Variants in RMC1 observed in about 807,000 individuals in gnomAD.
RMC1 encodes regulator of MON1-CCZ1 complex.
A neutral mutation model predicts 95.5 loss-of-function variants in RMC1; 44 were observed. The ratio of observed to expected loss-of-function variants is 0.46; its 90% CI spans 0.36 to 0.59. The LOEUF is 0.59. RMC1 is among the 20% of genes least tolerant of loss of function. The probability of loss-of-function intolerance (pLI) is 0.00; values close to 1 mark genes in which losing one functional copy is unlikely to be tolerated. For synonymous variants in RMC1, 320 were observed against 303.6 expected (o/e 1.05, Z -0.56); for missense variants, 705 against 819.6 (o/e 0.86, Z 1.71).
chr18:23,519,815 GACA>G (rs779924806), intron 9 of RMC1, among the ~76,000 whole-genome samples: 2 of 152,134 alleles, frequency 1.3e-5, no homozygotes, highest in African/African-American at 2.4e-5. Flanking sequence ...TGTGGACCAG[GACA>G]ACTAGAATGG....
At chr18:23,525,061 C>T (rs1426840567) in intron 12 of RMC1, among the ~76,000 whole-genome samples, 1 of 150,890 alleles carries the variant, frequency 6.6e-6, no homozygotes, top group Non-Finnish European at 1.5e-5. Context: ...ATTCTCCTGC[C>T]TCAGCCTCCT....
Position 23,507,045 on chromosome 18 carries a change from A to G in RMC1, c.255A>G (p.Ser85=). Reference sequence around the variant, plus strand: ...AGATATTGGCTGTTCAGAGGACCTCAAAGACTGTGGTAAGACTTATCTTTA... The same window carrying G: ...AGATATTGGCTGTTCAGAGGACCTCGAAGACTGTGGTAAGACTTATCTTTA... The part of the protein sequence containing the change: ...ENKILAVQRT[S]KTVDFCNFIP... Residue 85 remains serine, a synonymous_variant, in exon 3 of 20, where the codon TCA becomes TCG. Transcript: ENST00000269221. 8 of 1,602,434 alleles carry G rather than the reference A, an allele frequency of 5.0e-6. No homozygotes were observed. The highest frequency in any genetic ancestry group is 6.8e-6 in the Non-Finnish European group (8 of 1,172,266).
At chr18:23,524,939 A>ATAT (rs1184600894) in intron 12 of RMC1, among the ~76,000 whole-genome samples, 1 of 108,682 alleles carries the variant, frequency 9.2e-6, no homozygotes, top group Non-Finnish European at 1.8e-5. Context: ...TATTAGAGAA[A>ATAT]TCTTTTTTTT....
At position 23,516,417 on chromosome 18, in the gene RMC1, C is replaced by T. The variant is rs201621222; in HGVS notation, c.647C>T (p.Ala216Val). Residue 216 changes from alanine to valine, a missense_variant, in exon 7 of 20, where the codon GCT becomes GTT. Ala to Val is a moderately conservative substitution (Grantham distance 64). Coordinates refer to ENST00000269221, the MANE Select transcript of RMC1 (RefSeq NM_013326.5). ...CTTTCCGAAAGAGACATCGCAATGGCTACCATGTATGTCCGTGTCAGAGAG... is the reference window on the plus strand; with the variant it reads ...CTTTCCGAAAGAGACATCGCAATGGTTACCATGTATGTCCGTGTCAGAGAG... ...PSLSERDIAM[A>V]TIYGQLYVLF... The T allele has an allele frequency of 7.4e-6, 12 of 1,613,818 alleles. No individual in the cohort carries two copies. The East Asian group carries it at 2.5e-4, about 33-fold the overall frequency.
At chr18:23,505,641 C>CAGAGTTAGGGATGCTATGGAGA (rs1307673357) in intron 2 of RMC1, among the ~76,000 whole-genome samples, 2 of 152,164 alleles carry the variant, frequency 1.3e-5, no homozygotes, top group Non-Finnish European at 2.9e-5. Flanking sequence ...GGGAGCCTGT[C>CAGAGTTAGGGATGCTATGGAGA]AGAGTTAGGG....
At position 23,527,882 on chromosome 18, in the gene RMC1, C is replaced by G; in HGVS notation, c.1277C>G (p.Ala426Gly). Residue 426 changes from alanine (A) to glycine (G), a missense_variant, in exon 14 of 20, where the codon GCC (alanine) becomes GGC (glycine). Coordinates refer to ENST00000269221, the MANE Select transcript of RMC1 (RefSeq NM_013326.5). ...CATGAGTATAAAAAGTACCTGGATG[C>G]CGAGCAGAGTTATGCGATGGTGAGT... is the stretch of plus-strand genomic sequence containing the variant. ...LNHEYKKYLD[A>G]EQSYAMAVEA... 6.2e-7 allele frequency: 1 copy of G among 1,613,740 alleles called. No homozygotes were observed. Among genetic ancestry groups the G allele is most frequent in the Non-Finnish European group, 8.5e-7 (1 of 1,179,814 alleles).
intron 13 of RMC1, 94 bp from the exon 14 acceptor site, chr18:23,527,701 C>T (rs1035960371): frequency 3.1e-5 from 28 of 909,772 alleles, no homozygotes; most frequent in Non-Finnish European, 3.9e-5. Context: ...CATTGGTAAC[C>T]TTTTGAGATT....
At chr18:23,529,524 G>T in intron 15 of RMC1, 111 bp from the exon 16 acceptor site, 2 of 1,251,388 alleles carry the variant, frequency 1.6e-6, no homozygotes, top group Non-Finnish European at 2.3e-6. Flanking sequence ...AGTGAAAGAT[G>T]AACACTGGGC....
chr18:23,523,957 C>G lies in RMC1; in HGVS notation c.962-173C>G, dbSNP rs115376264. Among the ~76,000 whole-genome samples the G allele has an allele frequency of 7.8e-3, 1,193 of 152,256 alleles. 14 individuals are homozygous for G. The highest frequency in any genetic ancestry group is 0.027 in the African/African-American group (1,132 of 41,550). On this transcript the variant is annotated intron_variant, in intron 10 of 19. Coordinates refer to ENST00000269221, the MANE Select transcript of RMC1 (RefSeq NM_013326.5). ...TTTCCTGGATTGTTAGCTCCTTCCC[C>G]CTTCCTCCCCGTACGTGCTTTCAGT...
intron 5 of RMC1, among the ~76,000 whole-genome samples, chr18:23,512,016 CT>C (rs34759918): frequency 0.2 from 25,869 of 127,162 alleles, 2,146 homozygotes; most frequent in Middle Eastern, 0.26. Context: ...GGTAGAAAGA[CT>C]TTTTTTTTTT....
At chr18:23,519,518 C>T (rs929850913) in intron 9 of RMC1, among the ~76,000 whole-genome samples, 3 of 143,344 alleles carry the variant, frequency 2.1e-5, no homozygotes, top group South Asian at 2.2e-4. Context: ...ATCCTGTCTC[C>T]GAAAAAAAAA....
At chr18:23,531,554 C>A in intron 19 of RMC1, 71 bp from the exon 20 acceptor site, 1 of 1,581,606 alleles carries the variant, frequency 6.3e-7, no homozygotes, top group South Asian at 1.2e-5. Context: ...AGTAGACACA[C>A]CTACGAGATG....
At chr18:23,516,518 C>G in intron 7 of RMC1, 95 bp downstream of exon 7, 1 of 1,265,114 alleles carries the variant, frequency 7.9e-7, no homozygotes, top group Admixed American at 1.9e-5. Context: ...GATGCCCTGA[C>G]CCCTAGAACA....
intron 14 of RMC1, 50 bp from the exon 15 acceptor site, chr18:23,529,129 C>A (rs746061366): frequency 1.3e-6 from 2 of 1,589,508 alleles, no homozygotes; most frequent in African/African-American, 1.4e-5. Context: ...GTAAACAGCA[C>A]CCTTCCTCTA....
intron 19 of RMC1, 194 bp from the exon 20 acceptor site, chr18:23,531,431 G>GT (rs1273038008): frequency 1.7e-6 from 2 of 1,193,530 alleles, no homozygotes; most frequent in Non-Finnish European, 2.2e-6. Context: ...ATAAGGACAG[G>GT]TTAGATAGAA....
chr18:23,529,569 G>T, intron 15 of RMC1, 66 bp from the exon 16 acceptor site: 1 of 1,421,816 alleles, frequency 7.0e-7, no homozygotes, highest in Admixed American at 1.7e-5. Context: ...GGGTTGGATA[G>T]AGAGTTATAT....
chr18:23,530,038 A>G lies in RMC1; in HGVS notation c.1505A>G (p.His502Arg), dbSNP rs1485536626. 1.9e-5 allele frequency: 30 copies of G among 1,613,790 alleles called. No individual in the cohort carries two copies. The highest frequency in any genetic ancestry group is 2.5e-5 in the Non-Finnish European group (30 of 1,179,768). ...TACTTTTGTCCTCAGCATTACCTAC[A>G]TGAACTTGTTATCAAAACCCTTGTC... ...QFQIAVQHYL[H>R]ELVIKTLVQH... is the part of the protein sequence containing the mutation. Residue 502 changes from histidine to arginine, a missense_variant, in exon 17 of 20, where the codon CAT becomes CGT. Transcript: ENST00000269221.
chr18:23,523,023 G>A (rs999094048), intron 10 of RMC1: 2 of 152,240 alleles, frequency 1.3e-5, no homozygotes, highest in African/African-American at 4.8e-5. Context: ...ATCATCTGGG[G>A]GGCCTTAAAA....
intron 9 of RMC1, 53 bp from the exon 10 acceptor site, chr18:23,520,149 A>G (rs2058104939): frequency 1.4e-6 from 2 of 1,407,382 alleles, no homozygotes; most frequent in African/African-American, 1.4e-5. Flanking sequence ...AATGAAAGCA[A>G]CTGGGCAAAC....
Sources: allele counts gnomAD v4.1 joint callset (sites outside exome capture counted in the v4.1 genomes callset), GRCh38; gene constraint gnomAD v4.1.1; transcripts MANE v1.5; gene names NCBI Gene and HGNC (gene_info 2026-07-23, HGNC 2026-07-21).